UBQLN1: variants seen among roughly 807,000 people sequenced by gnomAD.
UBQLN1 encodes the protein ubiquilin 1.
A neutral mutation model predicts 65.4 loss-of-function variants in UBQLN1; 13 were observed. The observed-to-expected ratio is 0.20, with a 90% CI of 0.13 to 0.32. The LOEUF (loss-of-function observed/expected upper bound fraction) is 0.32. Among genes scored for constraint, UBQLN1 ranks in the 10% least tolerant of loss-of-function variants. The pLI, the probability that UBQLN1 is intolerant of heterozygous loss-of-function variation, is 1.00. For missense variants in UBQLN1, 561 were observed against 724.0 expected (o/e 0.77, Z 2.58); for synonymous variants, 267 against 247.8 (o/e 1.08, Z -0.73).
At chr9:83,665,531 A>G in intron 8 of UBQLN1, 1 of 167,830 alleles carries the variant, frequency 6.0e-6, no homozygotes, top group Non-Finnish European at 1.3e-5. Flanking sequence ...ACCAAGTGTT[A>G]TCTGTTACTA....
chr9:83,697,236 T>C (rs1307315153), intron 1 of UBQLN1, among the ~76,000 whole-genome samples: 1 of 131,874 alleles, frequency 7.6e-6, no homozygotes, highest in African/African-American at 3.1e-5. Flanking sequence ...TGAGTCTCAG[T>C]ATCTTCTGGT....
At chr9:83,682,242 G>A (rs1831953147) in intron 3 of UBQLN1, among the ~76,000 whole-genome samples, 1 of 151,962 alleles carries the variant, frequency 6.6e-6, no homozygotes, top group Non-Finnish European at 1.5e-5. Context: ...CCTAGATCGC[G>A]CCACTGCACT....
In UBQLN1 at chr9:83,661,718, G is replaced by T; in HGVS notation, c.*69C>A. On this transcript the variant is annotated 3_prime_UTR_variant, in exon 11 of 11. Coordinates refer to ENST00000376395, the MANE Select transcript of UBQLN1 (RefSeq NM_013438.5). ...ATTCCAAGAGTCAAAATGAAATAAA[G>T]CAGGTATTTTAAAGTTTAAGAGCCG... 1 of 1,481,688 alleles carries T rather than the reference G, an allele frequency of 6.7e-7. No homozygotes were observed. Among genetic ancestry groups the T allele is most frequent in the Non-Finnish European group, 9.1e-7 (1 of 1,095,420 alleles). 91.8% of individuals were successfully genotyped at this position (1,481,688 alleles called of 1,614,324 possible). A position where few individuals can be genotyped will look rare whatever the true frequency, so the allele number is the denominator to read the frequency against.
chr9:83,676,001 T>C (rs1199195289), intron 6 of UBQLN1, among the ~76,000 whole-genome samples: 1 of 144,110 alleles, frequency 6.9e-6, no homozygotes, highest in Non-Finnish European at 1.5e-5. Flanking sequence ...ATTCTCCATT[T>C]TGCCTCTTGG....
rs754067113 is a variant in UBQLN1, at chr9:83,682,964, G to A, written c.435C>T (p.Asn145=). 1.2e-6 allele frequency: 2 copies of A among 1,608,672 alleles called. No individual in the cohort carries two copies. The highest frequency in any genetic ancestry group is 1.8e-4 in the Middle Eastern group (1 of 5,590). Residue 145 remains asparagine, a synonymous_variant, in exon 3 of 11, where the codon AAC becomes AAT. Coordinates refer to ENST00000376395, the MANE Select transcript of UBQLN1 (RefSeq NM_013438.5). ...SNSTSGSATS[N]PFGLGGLGGL... ...AAAGACACTTACCTAAACCAAAAGG[G>A]TTGCTAGTAGCAGAACCAGATGTAG...
intron 6 of UBQLN1, among the ~76,000 whole-genome samples, chr9:83,673,560 A>AC (rs1359002656): frequency 0.013 from 1,087 of 86,312 alleles, 21 homozygotes; most frequent in African/African-American, 0.062. Context: ...AAAAAAAAAA[A>AC]AAAAAAACAA....
intron 6 of UBQLN1, among the ~76,000 whole-genome samples, chr9:83,670,367 G>A (rs2131147871): frequency 6.6e-6 from 1 of 151,636 alleles, no homozygotes; most frequent in East Asian, 1.9e-4. Flanking sequence ...TTCTCATGTT[G>A]TAAATTTTAA....
At chr9:83,700,670 A>C (rs1293015133) in intron 1 of UBQLN1, among the ~76,000 whole-genome samples, 1 of 152,254 alleles carries the variant, frequency 6.6e-6, no homozygotes, top group African/African-American at 2.4e-5. Flanking sequence ...GGAATGGGCA[A>C]AGAGTGTTCT....
intron 6 of UBQLN1, among the ~76,000 whole-genome samples, chr9:83,670,485 G>T (rs530839847): frequency 6.6e-6 from 1 of 151,774 alleles, no homozygotes; most frequent in African/African-American, 2.4e-5. Context: ...GTTTCCCAGC[G>T]CATACAAAAG....
chr9:83,695,290 C>T (rs1832192342), intron 1 of UBQLN1, among the ~76,000 whole-genome samples: 1 of 151,656 alleles, frequency 6.6e-6, no homozygotes, highest in Non-Finnish European at 1.5e-5. Flanking sequence ...CCTCCACCTC[C>T]CGGGTTCAAG....
intron 7 of UBQLN1, chr9:83,667,520 A>G (rs562442743): frequency 2.3e-5 from 23 of 985,322 alleles, no homozygotes; most frequent in Non-Finnish European, 2.8e-5. Context: ...TCAGGAACAT[A>G]CAGTATTTAT....
At chr9:83,701,069 G>A (rs991351261) in intron 1 of UBQLN1, among the ~76,000 whole-genome samples, 12 of 152,058 alleles carry the variant, frequency 7.9e-5, no homozygotes, top group Non-Finnish European at 1.6e-4. Context: ...TATAAAATAC[G>A]CCACCACAGA....
rs955595315 is a variant in UBQLN1, at chr9:83,660,678, G to A, written c.*1109C>T. The A allele has an allele frequency of 8.7e-5, 2 of 22,878 alleles. No homozygotes were observed. The highest frequency in any genetic ancestry group is 1.5e-4 in the African/African-American group (1 of 6,646). The allele number at this position is 22,878 out of a possible 1,614,324, so 1.4% of individuals were successfully genotyped here. A position where few individuals can be genotyped will look rare whatever the true frequency, so the allele number is the denominator to read the frequency against. Reference sequence around the variant, plus strand: ...TTCCGCTGCCCCACCCCCCCACCCCGTCCCCCTTTCTCTGAGGCTCTGAAA... The same window carrying A: ...TTCCGCTGCCCCACCCCCCCACCCCATCCCCCTTTCTCTGAGGCTCTGAAA... On this transcript the variant is annotated 3_prime_UTR_variant, in exon 11 of 11. Transcript: ENST00000376395.
rs1291710606 is a variant in UBQLN1 at position 83,661,659 on chromosome 9, T to C, written c.*128A>G. ...CATCTTACTGTACTCCACCTTAAAATGCATCATATTGGGTTTGTTTATAAC... is the reference window on the plus strand; with the variant it reads ...CATCTTACTGTACTCCACCTTAAAACGCATCATATTGGGTTTGTTTATAAC... On this transcript the variant is annotated 3_prime_UTR_variant, in exon 11 of 11. Coordinates refer to ENST00000376395, the MANE Select transcript of UBQLN1 (RefSeq NM_013438.5). 1.0e-6 allele frequency: 1 copy of C among 1,001,982 alleles called. No individual in the cohort carries two copies. The highest frequency in any genetic ancestry group is 1.4e-6 in the Non-Finnish European group (1 of 713,298). 62.1% of individuals were successfully genotyped at this position (1,001,982 alleles called of 1,614,324 possible). A position where few individuals can be genotyped will look rare whatever the true frequency, so the allele number is the denominator to read the frequency against.
Position 83,678,481 on chromosome 9 carries a change from G to A in UBQLN1, c.830C>T (p.Thr277Ile), listed in dbSNP as rs923364448. Reference protein sequence around the residue: ...GGYNALRRMYTDIQEPMLSAA... With the variant: ...GGYNALRRMYIDIQEPMLSAA... Reference sequence around the variant, plus strand: ...ACTCAGCATTGGTTCCTGAATATCTGTGTACATGCGCCTTAAAGCATTATA... The same window carrying A: ...ACTCAGCATTGGTTCCTGAATATCTATGTACATGCGCCTTAAAGCATTATA... The change falls in exon 5 of 11, where the codon ACA becomes ATA. Residue 277 changes from threonine to isoleucine, a missense_variant. Around this residue, in one of 8 missense-constraint regions of UBQLN1, gnomAD observed 75 missense variants for 138.9 expected, o/e 0.54. Transcript: ENST00000376395. 1 of 1,613,982 alleles carries A rather than the reference G, an allele frequency of 6.2e-7. No individual in the cohort carries two copies. Among genetic ancestry groups the A allele is most frequent in the Non-Finnish European group, 8.5e-7 (1 of 1,179,958 alleles).
chr9:83,672,366 C>T (rs1448721076), intron 6 of UBQLN1, among the ~76,000 whole-genome samples: 1 of 152,160 alleles, frequency 6.6e-6, no homozygotes, highest in Non-Finnish European at 1.5e-5. Flanking sequence ...TTCTGATATG[C>T]CTCCCTCACT....
intron 1 of UBQLN1, among the ~76,000 whole-genome samples, chr9:83,695,635 C>T (rs1008306977): frequency 6.6e-6 from 1 of 152,008 alleles, no homozygotes; most frequent in Non-Finnish European, 1.5e-5. Flanking sequence ...AAAAAAATTA[C>T]CCCCAAGTTT....
intron 6 of UBQLN1, among the ~76,000 whole-genome samples, chr9:83,674,263 G>A (rs1200130477): frequency 6.6e-6 from 1 of 151,826 alleles, no homozygotes; most frequent in Admixed American, 6.6e-5. Flanking sequence ...CAAATGTCAG[G>A]TTTTTAAGGC....
At chr9:83,684,726 G>A (rs1046842521) in intron 2 of UBQLN1, among the ~76,000 whole-genome samples, 7 of 150,766 alleles carry the variant, frequency 4.6e-5, no homozygotes, top group Middle Eastern at 6.8e-3. Context: ...CGGGAGAATC[G>A]CTTGAACCCA....
Sources: gnomAD v4.1 joint callset for allele counts (sites outside exome capture counted in the v4.1 genomes callset) on GRCh38, gnomAD v4.1.1 for gene constraint, gnomAD v4.1.1 regional missense constraint, MANE v1.5 for transcripts, NCBI Gene and HGNC (gene_info 2026-07-23, HGNC 2026-07-21) for gene names.